Variants in RBM26 observed in about 807,000 individuals in gnomAD.
RBM26 encodes the protein RNA binding motif protein 26, also known as RNA-binding protein 26.
Under a neutral mutation model 123.6 loss-of-function variants are expected in RBM26, and 30 were observed. The observed-to-expected ratio is 0.24, with a 90% CI of 0.18 to 0.33. RBM26 has a LOEUF of 0.33. RBM26 is among the 10% of genes least tolerant of loss of function. The probability of loss-of-function intolerance (pLI) is 1.00; values close to 1 mark genes in which losing one functional copy is unlikely to be tolerated. For missense variants in RBM26, 947 were observed against 1,203.6 expected (o/e 0.79, Z 3.15); for synonymous variants, 400 against 404.4 (o/e 0.99, Z 0.13).
chr13:79,375,574 G>A (rs1218027499), intron 3 of RBM26, among the ~76,000 whole-genome samples: 4 of 152,046 alleles, frequency 2.6e-5, no homozygotes, highest in Non-Finnish European at 5.9e-5. Flanking sequence ...ATAAGCAATT[G>A]CCAACACAAT....
chr13:79,315,260 C>A (rs778925511), downstream of RBM26, among the ~76,000 whole-genome samples: 3 of 151,524 alleles, frequency 2.0e-5, no homozygotes, highest in Admixed American at 1.3e-4. Flanking sequence ...ATTTTCATTG[C>A]GAAAACTACT....
At chr13:79,399,448 G>T (rs2078878826) in intron 1 of RBM26, among the ~76,000 whole-genome samples, 2 of 151,540 alleles carry the variant, frequency 1.3e-5, no homozygotes, top group African/African-American at 4.9e-5. Flanking sequence ...TCAGAAAAAA[G>T]AAACAATAAA....
chr13:79,405,475 A>G (rs927562357), intron 1 of RBM26, among the ~76,000 whole-genome samples: 3 of 152,050 alleles, frequency 2.0e-5, no homozygotes, highest in African/African-American at 7.2e-5. Context: ...CGGTCTATAT[A>G]TAACGGGAAA....
intron 1 of RBM26, among the ~76,000 whole-genome samples, chr13:79,382,542 C>G (rs544059754): frequency 2.6e-5 from 4 of 152,212 alleles, no homozygotes; most frequent in Admixed American, 6.5e-5. Context: ...AATTACTCTT[C>G]TGTGTGTGTG....
In RBM26 at chr13:79,368,710, C is replaced by A; in HGVS notation, c.895+20G>T. The A allele has an allele frequency of 6.2e-7, 1 of 1,601,448 alleles. No homozygotes were observed. On this transcript the variant is annotated intron_variant, in intron 6 of 21. Transcript: ENST00000438737. ...TGGAAATATTAATTAAATACTTTAT[C>A]AAACAGCTGAAAGACTTACCATCAT...
At chr13:79,316,104 G>C (rs968507902), downstream of RBM26, among the ~76,000 whole-genome samples, 1 of 151,528 alleles carries the variant, frequency 6.6e-6, no homozygotes, top group African/African-American at 2.4e-5. Flanking sequence ...AAAGCCCCGA[G>C]AGAAAGACCA....
chr13:79,374,015 T>C (rs1427587745), intron 3 of RBM26, among the ~76,000 whole-genome samples: 7 of 151,884 alleles, frequency 4.6e-5, no homozygotes, highest in Admixed American at 4.6e-4. Context: ...TCAGGAAATA[T>C]CGTGCAAGTG....
intron 7 of RBM26, 78 bp downstream of exon 7, chr13:79,366,555 A>T: frequency 7.1e-7 from 1 of 1,400,014 alleles, no homozygotes; most frequent in Non-Finnish European, 9.6e-7. Flanking sequence ...AGATACTTTT[A>T]ATTTAAGAAT....
chr13:79,361,886 A>G (rs2074729924), intron 9 of RBM26, among the ~76,000 whole-genome samples: 1 of 152,066 alleles, frequency 6.6e-6, no homozygotes, highest in South Asian at 2.1e-4. Flanking sequence ...AGTGATTCTC[A>G]GTGGGGATGG....
chr13:79,360,429 G>A (rs140825604), intron 9 of RBM26, among the ~76,000 whole-genome samples: 17 of 151,910 alleles, frequency 1.1e-4, no homozygotes, highest in Admixed American at 1.0e-3. Flanking sequence ...TGATTCTGTA[G>A]GTCACTTCTT....
chr13:79,352,988 A>G (rs570774439), intron 14 of RBM26, among the ~76,000 whole-genome samples, 165 bp downstream of exon 14: 7 of 148,906 alleles, frequency 4.7e-5, no homozygotes, highest in African/African-American at 1.7e-4. Flanking sequence ...AAGTAAAAAA[A>G]GGAAAATATT....
intron 18 of RBM26, among the ~76,000 whole-genome samples, chr13:79,339,723 G>C (rs1422654502): frequency 6.6e-6 from 1 of 152,020 alleles, no homozygotes; most frequent in Non-Finnish European, 1.5e-5. Context: ...TGTATTTTTA[G>C]AGATTCAGAA....
At chr13:79,345,283 A>C (rs889935376) in intron 14 of RBM26, among the ~76,000 whole-genome samples, 7 of 151,760 alleles carry the variant, frequency 4.6e-5, no homozygotes, top group Non-Finnish European at 1.0e-4. Flanking sequence ...GCTTGAACTG[A>C]CCTTACTCCC....
At chr13:79,373,692 TATA>T (rs1338433176) in intron 3 of RBM26, among the ~76,000 whole-genome samples, 1 of 53,632 alleles carries the variant, frequency 1.9e-5, no homozygotes, top group Non-Finnish European at 3.3e-5. Context: ...TATAATAATA[TATA>T]ATATTTTATA....
At chr13:79,389,601 CA>C (rs1038849260) in intron 1 of RBM26, 41 of 152,108 alleles carry the variant, frequency 2.7e-4, no homozygotes, top group African/African-American at 9.4e-4. Context: ...TAGATGAGAT[CA>C]GGGGTGTTCA....
chr13:79,324,235 T>C (rs141264932), intron 20 of RBM26, among the ~76,000 whole-genome samples: 8 of 151,980 alleles, frequency 5.3e-5, no homozygotes, highest in African/African-American at 1.9e-4. Context: ...TAAATATGTA[T>C]GGTATGTATA....
chr13:79,366,707 G>T lies in RBM26; in HGVS notation c.1061C>A (p.Thr354Lys). ...PGLPPPPPIL[T>K]PPPVNLRPPV... ...GGGCCTGAGATTCACAGGTGGGGGT[G>T]TAAGAATTGGTGGAGGTGGGGGGAG... Residue 354 changes from threonine to lysine, a missense_variant, in exon 7 of 22, where the codon ACA (threonine) becomes AAA (lysine). By Grantham distance (78) the Thr-to-Lys change is moderately conservative. Transcript: ENST00000438737. 6.2e-7 allele frequency: 1 copy of T among 1,608,608 alleles called. No homozygotes were observed. The highest frequency in any genetic ancestry group is 8.5e-7 in the Non-Finnish European group (1 of 1,176,878).
chr13:79,363,777 C>G (rs1177588078), intron 9 of RBM26, among the ~76,000 whole-genome samples: 1 of 152,042 alleles, frequency 6.6e-6, no homozygotes, highest in Admixed American at 6.6e-5. Flanking sequence ...CAGAAATTGC[C>G]CTAGCATGTG....
chr13:79,397,703 A>AAG (rs2078709390), intron 1 of RBM26, among the ~76,000 whole-genome samples: 1 of 144,396 alleles, frequency 6.9e-6, no homozygotes, highest in African/African-American at 2.5e-5. Flanking sequence ...AAAAAAAAAA[A>AAG]GAAATGAAGG....
Sources: gnomAD v4.1 joint callset for allele counts (sites outside exome capture counted in the v4.1 genomes callset) on GRCh38, gnomAD v4.1.1 for gene constraint, MANE v1.5 for transcripts, NCBI Gene and HGNC (gene_info 2026-07-23, HGNC 2026-07-21) for gene names.